The following ENOX1 variants were observed in gnomAD, a reference collection of about 807,000 sequenced individuals.
The protein encoded by ENOX1 is ecto-NOX disulfide-thiol exchanger 1.
A neutral mutation model predicts 82.5 loss-of-function variants in ENOX1; 42 were observed. The ratio of observed to expected loss-of-function variants is 0.51; its 90% confidence interval spans 0.40 to 0.66. ENOX1 has a LOEUF of 0.66. Ranked by LOEUF, ENOX1 falls within the 30% of genes least tolerant of loss-of-function variation. ENOX1 has a pLI of 0.00. For synonymous variants in ENOX1, 271 were observed against 282.2 expected, an observed-to-expected ratio of 0.96 and a Z score of 0.40; for missense variants, 608 against 811.6, an observed-to-expected ratio of 0.75 and a Z score of 3.05.
At chr13:43,768,980 G>T (rs1213633103) in intron 1 of ENOX1, among the ~76,000 whole-genome samples, 3 of 152,132 alleles carry the variant, frequency 2.0e-5, no homozygotes, top group Non-Finnish European at 2.9e-5. Flanking sequence ...TAGTATCAGT[G>T]AAAATAAAAT....
chr13:43,748,236 T>C (rs1282804309), intron 1 of ENOX1, among the ~76,000 whole-genome samples: 3 of 152,182 alleles, frequency 2.0e-5, no homozygotes, highest in Non-Finnish European at 1.5e-5. Context: ...AAACAGTCCA[T>C]GGACTTCAAC....
At chr13:43,593,461 G>A (rs1448526650) in intron 2 of ENOX1, among the ~76,000 whole-genome samples, 4 of 128,050 alleles carry the variant, frequency 3.1e-5, no homozygotes, top group Admixed American at 8.9e-5. Flanking sequence ...TGTCTGCAGC[G>A]AAACCCTTAA....
At chr13:43,736,854 G>C (rs955821969) in intron 1 of ENOX1, among the ~76,000 whole-genome samples, 1 of 152,168 alleles carries the variant, frequency 6.6e-6, no homozygotes, top group African/African-American at 2.4e-5. Flanking sequence ...AAGGTGGAAA[G>C]AGATGAAACT....
chr13:43,683,735 T>C (rs2085915460), intron 1 of ENOX1, among the ~76,000 whole-genome samples: 1 of 152,042 alleles, frequency 6.6e-6, no homozygotes. Context: ...AAGACAACTT[T>C]TTGTTCTACC....
intron 5 of ENOX1, among the ~76,000 whole-genome samples, chr13:43,385,685 A>G (rs2052365517): frequency 6.6e-6 from 1 of 152,170 alleles, no homozygotes; most frequent in African/African-American, 2.4e-5. Flanking sequence ...ATGATAAACA[A>G]CCATATATTT....
chr13:43,590,532 T>C (rs1448200791), intron 2 of ENOX1, among the ~76,000 whole-genome samples: 1 of 151,972 alleles, frequency 6.6e-6, no homozygotes, highest in African/African-American at 2.4e-5. Flanking sequence ...CTCAGCACTT[T>C]GGGAGGCCAA....
intron 8 of ENOX1, among the ~76,000 whole-genome samples, chr13:43,350,323 G>A (rs1219925825): frequency 1.3e-5 from 2 of 152,176 alleles, no homozygotes; most frequent in African/African-American, 2.4e-5. Context: ...ACAAAAGACA[G>A]GGCCCATGCT....
At chr13:43,441,703 G>T (rs1479358514) in intron 3 of ENOX1, among the ~76,000 whole-genome samples, 1 of 152,090 alleles carries the variant, frequency 6.6e-6, no homozygotes, top group Non-Finnish European at 1.5e-5. Context: ...TCATCTTTGG[G>T]CAAATGAAAT....
At chr13:43,605,638 C>T (rs1471139337) in intron 2 of ENOX1, among the ~76,000 whole-genome samples, 1 of 152,120 alleles carries the variant, frequency 6.6e-6, no homozygotes, top group Non-Finnish European at 1.5e-5. Context: ...TATTGCTCAT[C>T]ATATACAAAA....
chr13:43,251,586 G>T (rs969901072), intron 14 of ENOX1, among the ~76,000 whole-genome samples: 7 of 152,202 alleles, frequency 4.6e-5, no homozygotes, highest in African/African-American at 1.4e-4. Flanking sequence ...AGAGAAGATG[G>T]TGATTGATTT....
chr13:43,613,593 A>G (rs1346104698), intron 2 of ENOX1, among the ~76,000 whole-genome samples: 1 of 152,220 alleles, frequency 6.6e-6, no homozygotes, highest in Non-Finnish European at 1.5e-5. Context: ...AGGAGGGATT[A>G]TAACTGATGC....
At chr13:43,244,739 C>CA (rs2153463652) in intron 14 of ENOX1, among the ~76,000 whole-genome samples, 1 of 152,266 alleles carries the variant, frequency 6.6e-6, no homozygotes, top group South Asian at 2.1e-4. Context: ...GGACAGTCGA[C>CA]AAGATCTATG....
intron 1 of ENOX1, among the ~76,000 whole-genome samples, chr13:43,712,492 A>G (rs867916000): frequency 3.0e-4 from 46 of 151,974 alleles, no homozygotes; most frequent in African/African-American, 9.6e-4. Context: ...CATTGAATCT[A>G]TAAATTACCT....
chr13:43,540,585 G>A (rs1339748651), intron 2 of ENOX1, among the ~76,000 whole-genome samples: 1 of 152,186 alleles, frequency 6.6e-6, no homozygotes, highest in East Asian at 1.9e-4. Flanking sequence ...TGAGTTTAAG[G>A]AATGGTAAAG....
At chr13:43,467,566 TC>T (rs1461718882) in intron 3 of ENOX1, among the ~76,000 whole-genome samples, 2 of 151,982 alleles carry the variant, frequency 1.3e-5, no homozygotes, top group African/African-American at 4.8e-5. Flanking sequence ...ATACTCTTTA[TC>T]AAATATAAAA....
chr13:43,590,843 G>A (rs181452514), intron 2 of ENOX1, among the ~76,000 whole-genome samples: 229 of 150,508 alleles, frequency 1.5e-3, no homozygotes, highest in Admixed American at 4.4e-3. Flanking sequence ...AGAGAAATGC[G>A]CAAATGTCAG....
At chr13:43,519,705 G>C (rs1243462017) in intron 2 of ENOX1, among the ~76,000 whole-genome samples, 1 of 152,096 alleles carries the variant, frequency 6.6e-6, no homozygotes, top group Non-Finnish European at 1.5e-5. Context: ...TAGCTAGTCA[G>C]CAAGAGAAGG....
intron 2 of ENOX1, among the ~76,000 whole-genome samples, chr13:43,564,179 C>A (rs1245541267): frequency 6.6e-6 from 1 of 151,976 alleles, no homozygotes; most frequent in Non-Finnish European, 1.5e-5. Flanking sequence ...AACTATAAAT[C>A]ATTAATGAAA....
At chr13:43,247,880 TATA>T (rs1566330009) in intron 14 of ENOX1, among the ~76,000 whole-genome samples, 2 of 3,092 alleles carry the variant, frequency 6.5e-4, no homozygotes, top group African/African-American at 1.6e-3. Flanking sequence ...TATATATATA[TATA>T]TTTTTTTTTT....
Sources: gnomAD v4.1 joint callset for allele counts (sites outside exome capture counted in the v4.1 genomes callset) on GRCh38, gnomAD v4.1.1 for gene constraint, MANE v1.5 for transcripts, NCBI Gene and HGNC (gene_info 2026-07-23, HGNC 2026-07-21) for gene names.